Variants in RARS2 observed in about 807,000 individuals in gnomAD.
RARS2 encodes the protein arginyl-tRNA synthetase 2, mitochondrial, also known as probable arginine--tRNA ligase, mitochondrial.
In RARS2, 67 loss-of-function variants were observed where a neutral mutation model predicts 88.5. That is an observed-to-expected ratio of 0.76 (90% CI 0.62 to 0.93). The LOEUF (loss-of-function observed/expected upper bound fraction) is 0.93. Ranked by LOEUF, RARS2 falls within the 40% of genes least tolerant of loss-of-function variation. RARS2 has a pLI of 0.00. For synonymous variants in RARS2, 239 were observed against 230.3 expected (o/e 1.04, Z -0.34); for missense variants, 664 against 684.2 (o/e 0.97, Z 0.33).
At chr6:87,516,664 A>G in intron 18 of RARS2, 142 bp downstream of exon 18, 1 of 1,212,526 alleles carries the variant, frequency 8.2e-7, no homozygotes, top group South Asian at 1.4e-5. Flanking sequence ...ATTAACTGCT[A>G]ATTTGTATAG....
intron 2 of RARS2, among the ~76,000 whole-genome samples, chr6:87,566,849 C>CAAAAAA (rs36032606): frequency 1.0e-4 from 6 of 60,248 alleles, no homozygotes; most frequent in Non-Finnish European, 1.2e-4. Context: ...GGTCCTGTCT[C>CAAAAAA]AAAAAAAAAA....
At chr6:87,569,643 T>C (rs537233147) in intron 1 of RARS2, 53 bp from the exon 2 acceptor site, 2 of 1,321,978 alleles carry the variant, frequency 1.5e-6, no homozygotes, top group Non-Finnish European at 2.2e-6. Context: ...ATTTGTTCCA[T>C]TCAATGGAAT....
intron 4 of RARS2, among the ~76,000 whole-genome samples, chr6:87,561,642 G>A (rs1196792531): frequency 6.6e-6 from 1 of 152,236 alleles, no homozygotes; most frequent in African/African-American, 2.4e-5. Flanking sequence ...ACACAAAGCA[G>A]AGGTACATTC....
chr6:87,521,614 A>G lies in RARS2; in HGVS notation c.975-90T>C, dbSNP rs577163681. On this transcript the variant is annotated intron_variant, in intron 11 of 19. Transcript: ENST00000369536. ...ATTTAATAGCAATGAGCATTTTCTA[A>G]TTAAGAATTTAAATTATACCACAGC... 1.4e-5 allele frequency: 14 copies of G among 971,642 alleles called. No homozygotes were observed. The African/African-American group carries it at 2.2e-4, about 15-fold the overall frequency. 60.2% of individuals were successfully genotyped at this position (971,642 alleles called of 1,614,324 possible). A position where few individuals can be genotyped will look rare whatever the true frequency, so the allele number is the denominator to read the frequency against.
At chr6:87,517,361 T>C (rs1440176101) in intron 17 of RARS2, among the ~76,000 whole-genome samples, 3 of 152,232 alleles carry the variant, frequency 2.0e-5, no homozygotes, top group Non-Finnish European at 4.4e-5. Context: ...TCCAAATTCT[T>C]TGATGGCAGG....
At chr6:87,563,914 T>C (rs907349795) in intron 3 of RARS2, among the ~76,000 whole-genome samples, 4 of 152,302 alleles carry the variant, frequency 2.6e-5, no homozygotes, top group South Asian at 2.1e-4. Context: ...AATCAAAAAA[T>C]TGAACAATGT....
In RARS2 at chr6:87,587,380, C is replaced by T. The variant is rs114156131; in HGVS notation, c.36+2542G>A. 8.9e-3 allele frequency among the ~76,000 whole-genome samples: 1,361 copies of T among 152,236 alleles called. 21 individuals are homozygous for T. Among genetic ancestry groups the T allele is most frequent in the African/African-American group, 0.03 (1,266 of 41,526 alleles). Reference sequence around the variant, plus strand: ...TTGCTCTTTTTTCCCCATGTCCTAACGTATTGAAAATATTATTATTTATCC... The same window carrying T: ...TTGCTCTTTTTTCCCCATGTCCTAATGTATTGAAAATATTATTATTTATCC... On this transcript the variant is annotated intron_variant, in intron 1 of 19. Coordinates refer to ENST00000369536, the MANE Select transcript of RARS2 (RefSeq NM_020320.5).
At chr6:87,522,640 A>G (rs16879507) in intron 11 of RARS2, among the ~76,000 whole-genome samples, 9,686 of 152,240 alleles carry the variant, frequency 0.064, 391 homozygotes, top group African/African-American at 0.12. Flanking sequence ...ATTCTCAATG[A>G]AGGCAAAAAC....
intron 1 of RARS2, among the ~76,000 whole-genome samples, chr6:87,572,780 G>T (rs573926533): frequency 9.2e-5 from 14 of 152,002 alleles, no homozygotes; most frequent in Non-Finnish European, 1.2e-4. Context: ...ATGAAATGGG[G>T]GACTTAAGCA....
At chr6:87,572,097 GA>G (rs11327593) in intron 1 of RARS2, among the ~76,000 whole-genome samples, 126,221 of 143,002 alleles carry the variant, frequency 0.88, 55,799 homozygotes, top group East Asian at 0.98. Flanking sequence ...TAATTTCTCA[GA>G]AAAAAAAAAA....
intron 1 of RARS2, among the ~76,000 whole-genome samples, chr6:87,582,112 G>A (rs77476206): frequency 6.6e-6 from 1 of 152,056 alleles, no homozygotes; most frequent in African/African-American, 2.4e-5. Context: ...ATTCCTTTGG[G>A]TATATACCCT....
chr6:87,519,661 TTCGAG>T lies in RARS2; in HGVS notation c.1154_1158del (p.Thr385LysfsTer13). 1 of 1,613,372 alleles carries T rather than the reference TTCGAG, an allele frequency of 6.2e-7. No homozygotes were observed. Among genetic ancestry groups the T allele is most frequent in the Non-Finnish European group, 8.5e-7 (1 of 1,179,282 alleles). Reference sequence around the variant, plus strand: ...TCTTCCAGGAAAGTGACATCTCCTCTTCGAGTCTTCATTCCCTGTACTACTCCAAA... The same window carrying T: ...TCTTCCAGGAAAGTGACATCTCCTCTTCTTCATTCCCTGTACTACTCCAAA... On this transcript the variant is annotated frameshift_variant, in exon 14 of 20. Coordinates refer to ENST00000369536, the MANE Select transcript of RARS2 (RefSeq NM_020320.5). LOFTEE classifies it high-confidence loss of function.
intron 1 of RARS2, 143 bp downstream of exon 1, chr6:87,589,779 A>G: frequency 6.3e-7 from 1 of 1,585,820 alleles, no homozygotes; most frequent in Non-Finnish European, 8.6e-7. Flanking sequence ...CACCAGCTCC[A>G]GAGAAGGGGG....
intron 1 of RARS2, among the ~76,000 whole-genome samples, chr6:87,587,627 T>G (rs1026404683): frequency 6.6e-6 from 1 of 152,230 alleles, no homozygotes; most frequent in African/African-American, 2.4e-5. Flanking sequence ...TTTGGGTAAG[T>G]TATTTAATCT....
chr6:87,579,192 G>A (rs1772592499), intron 1 of RARS2, among the ~76,000 whole-genome samples: 1 of 152,068 alleles, frequency 6.6e-6, no homozygotes, highest in South Asian at 2.1e-4. Flanking sequence ...AATGTTCTTA[G>A]TCACTACACC....
chr6:87,568,449 G>A (rs551486059), intron 2 of RARS2, among the ~76,000 whole-genome samples: 64 of 151,980 alleles, frequency 4.2e-4, no homozygotes, highest in Non-Finnish European at 4.6e-4. Flanking sequence ...GCAGTGAGCC[G>A]AGATCACACC....
chr6:87,581,585 A>G (rs1002296602), intron 1 of RARS2, among the ~76,000 whole-genome samples: 1 of 152,220 alleles, frequency 6.6e-6, no homozygotes, highest in African/African-American at 2.4e-5. Context: ...TATGACTATA[A>G]TAAATTTAGC....
In RARS2 at chr6:87,564,286, T is replaced by C. The variant is rs556930529; in HGVS notation, c.111-54A>G. On this transcript the variant is annotated intron_variant, in intron 2 of 19. Transcript: ENST00000369536. ...ACTGTTACCTTAAAAGCATTAGTTG[T>C]TAAACAAAGACTAATCACTATGAGT... The C allele has an allele frequency of 1.9e-3, 2,435 of 1,281,528 alleles. 6 individuals carry two copies. Among genetic ancestry groups the C allele is most frequent in the Non-Finnish European group, 2.5e-3 (2,170 of 883,098 alleles). 79.4% of individuals were successfully genotyped at this position (1,281,528 alleles called of 1,614,324 possible).
At chr6:87,554,645 G>A (rs773662656) in intron 5 of RARS2, among the ~76,000 whole-genome samples, 1 of 151,828 alleles carries the variant, frequency 6.6e-6, no homozygotes, top group Non-Finnish European at 1.5e-5. Context: ...TTTTTAAGAG[G>A]CGAGGTCTGC....
Sources: gnomAD v4.1 joint callset for allele counts (sites outside exome capture counted in the v4.1 genomes callset) on GRCh38, gnomAD v4.1.1 for gene constraint, MANE v1.5 for transcripts, NCBI Gene and HGNC (gene_info 2026-07-23, HGNC 2026-07-21) for gene names.